The following RAPGEF5 variants were observed in gnomAD, a reference collection of about 807,000 sequenced individuals.
RAPGEF5 encodes Rap guanine nucleotide exchange factor 5, also known as M-Ras-regulated GEF.
A neutral mutation model predicts 125.2 loss-of-function variants in RAPGEF5; 65 were observed. The ratio of observed to expected loss-of-function variants is 0.52; its 90% confidence interval spans 0.43 to 0.64. The LOEUF is 0.64. RAPGEF5 is among the 30% of genes least tolerant of loss of function. The pLI, the probability that RAPGEF5 is intolerant of heterozygous loss-of-function variation, is 0.00. For synonymous variants in RAPGEF5, 391 were observed against 385.9 expected, an observed-to-expected ratio of 1.01 and a Z score of -0.16; for missense variants, 958 against 1,048.1, an observed-to-expected ratio of 0.91 and a Z score of 1.19.
intron 7 of RAPGEF5, among the ~76,000 whole-genome samples, chr7:22,256,257 A>G (rs566377766): frequency 2.6e-5 from 4 of 152,212 alleles, no homozygotes; most frequent in Non-Finnish European, 4.4e-5. Context: ...GTTAAACTCT[A>G]CAGAGTCCTT....
intron 1 of RAPGEF5, among the ~76,000 whole-genome samples, chr7:22,348,370 TTGACAGGTATG>T (rs1784264322): frequency 1.3e-5 from 2 of 152,230 alleles, no homozygotes; most frequent in African/African-American, 4.8e-5. Context: ...TTCAGTTACT[TTGACAGGTATG>T]TGTACTTCCA....
intron 9 of RAPGEF5, among the ~76,000 whole-genome samples, chr7:22,198,398 C>G (rs941187227): frequency 1.3e-5 from 2 of 152,164 alleles, no homozygotes; most frequent in African/African-American, 4.8e-5. Context: ...TGGACAATGT[C>G]AAAGCTAGGC....
At chr7:22,139,568 CTT>C (rs1231800106) in intron 21 of RAPGEF5, among the ~76,000 whole-genome samples, 2 of 152,256 alleles carry the variant, frequency 1.3e-5, no homozygotes, top group African/African-American at 4.8e-5. Context: ...AGGTCTGAAA[CTT>C]TAGAACGTTT....
intron 1 of RAPGEF5, among the ~76,000 whole-genome samples, chr7:22,333,659 T>C (rs1562533594): frequency 6.6e-6 from 1 of 152,164 alleles, no homozygotes; most frequent in Admixed American, 6.5e-5. Context: ...GGTCAAGGAA[T>C]AGGCTGAGGC....
chr7:22,125,449 CAAAG>C (rs1782708169), intron 25 of RAPGEF5, 151 bp downstream of exon 25: 1 of 645,652 alleles, frequency 1.5e-6, no homozygotes, highest in Non-Finnish European at 2.6e-6. Flanking sequence ...AGTGAGGAAA[CAAAG>C]AGACAATCTA....
At chr7:22,316,489 A>ATATTT (rs1201099897) in intron 2 of RAPGEF5, among the ~76,000 whole-genome samples, 26 of 50,638 alleles carry the variant, frequency 5.1e-4, no homozygotes, top group African/African-American at 1.6e-3. Flanking sequence ...ATATATATAT[A>ATATTT]TTTTTTTTTT....
intron 20 of RAPGEF5, among the ~76,000 whole-genome samples, chr7:22,140,547 C>G (rs1360947220): frequency 6.6e-6 from 1 of 152,140 alleles, no homozygotes; most frequent in Non-Finnish European, 1.5e-5. Context: ...AGCTCCCCCT[C>G]CCATTACATT....
intron 21 of RAPGEF5, among the ~76,000 whole-genome samples, chr7:22,138,326 G>A (rs1036197360): frequency 1.3e-5 from 2 of 152,174 alleles, no homozygotes; most frequent in African/African-American, 2.4e-5. Context: ...TACTACAGCT[G>A]CTCTTTCACT....
intron 11 of RAPGEF5, among the ~76,000 whole-genome samples, chr7:22,175,601 A>C (rs1784479231): frequency 6.6e-6 from 1 of 152,084 alleles, no homozygotes; most frequent in Non-Finnish European, 1.5e-5. Flanking sequence ...TCTAAGATTC[A>C]CTCGGTCCAA....
intron 9 of RAPGEF5, 32 bp from the exon 10 acceptor site, chr7:22,194,065 G>A (rs776720803): frequency 3.2e-6 from 5 of 1,550,386 alleles, no homozygotes; most frequent in East Asian, 4.5e-5. Context: ...ATGGATGAGA[G>A]AAGGAAAAAG....
chr7:22,290,731 C>A (rs1376951710), intron 6 of RAPGEF5, among the ~76,000 whole-genome samples: 1 of 126,836 alleles, frequency 7.9e-6, no homozygotes, highest in East Asian at 2.3e-4. Flanking sequence ...GGCGACAGAG[C>A]GAGACTCCGT....
chr7:22,339,994 G>T (rs1359998592), intron 1 of RAPGEF5, among the ~76,000 whole-genome samples: 1 of 152,188 alleles, frequency 6.6e-6, no homozygotes, highest in South Asian at 2.1e-4. Flanking sequence ...TGGGGAATGT[G>T]AGAACTTAAA....
chr7:22,124,227 T>C (rs1252694773), intron 25 of RAPGEF5, among the ~76,000 whole-genome samples: 1 of 152,216 alleles, frequency 6.6e-6, no homozygotes, highest in Non-Finnish European at 1.5e-5. Flanking sequence ...GTGAGACTGA[T>C]ATCTTAGAAT....
At chr7:22,219,492 T>C (rs140753411) in intron 9 of RAPGEF5, among the ~76,000 whole-genome samples, 3 of 150,748 alleles carry the variant, frequency 2.0e-5, no homozygotes, top group Non-Finnish European at 2.9e-5. Context: ...GTACTAAACA[T>C]AAAAATATGT....
chr7:22,124,947 G>A (rs1225828750), intron 25 of RAPGEF5, among the ~76,000 whole-genome samples: 1 of 152,184 alleles, frequency 6.6e-6, no homozygotes, highest in African/African-American at 2.4e-5. Context: ...CATTGCCCAT[G>A]TGAAAGCTCC....
intron 7 of RAPGEF5, among the ~76,000 whole-genome samples, chr7:22,263,678 C>T (rs578089518): frequency 2.7e-5 from 4 of 150,346 alleles, no homozygotes; most frequent in South Asian, 2.1e-4. Context: ...TGCAGTGAGC[C>T]GAAATTGCGC....
intron 21 of RAPGEF5, 42 bp from the exon 22 acceptor site, chr7:22,137,025 T>C (rs778045869): frequency 8.2e-6 from 12 of 1,469,606 alleles, no homozygotes; most frequent in Admixed American, 1.9e-5. Flanking sequence ...GTCACAGAAG[T>C]TGGTTATTTT....
At chr7:22,219,778 A>G in intron 9 of RAPGEF5, 88 bp downstream of exon 9, 1 of 1,459,998 alleles carries the variant, frequency 6.8e-7, no homozygotes, top group Non-Finnish European at 9.1e-7. Context: ...AGAATTTAAA[A>G]TAAAATAGTC....
intron 11 of RAPGEF5, among the ~76,000 whole-genome samples, chr7:22,182,834 G>C (rs990330846): frequency 1.3e-5 from 2 of 152,092 alleles, no homozygotes; most frequent in Non-Finnish European, 1.5e-5. Flanking sequence ...ATTTTTATGA[G>C]AAAAAACAAG....
Sources: allele counts gnomAD v4.1 joint callset (sites outside exome capture counted in the v4.1 genomes callset), GRCh38; gene constraint gnomAD v4.1.1; transcripts MANE v1.5; gene names NCBI Gene and HGNC (gene_info 2026-07-23, HGNC 2026-07-21).